Variants in CD82 observed in about 807,000 individuals in gnomAD.
CD82 encodes the protein CD82 molecule.
CD82 carries 36 observed loss-of-function variants against 37.4 expected under a neutral mutation model. That is an observed-to-expected ratio of 0.96 (90% CI 0.74 to 1.27). CD82 has a LOEUF of 1.27. Among genes scored for constraint, CD82 ranks in the 50% most tolerant of loss-of-function variants. CD82 has a pLI of 0.00. For missense variants in CD82, 340 were observed against 347.0 expected (o/e 0.98, Z 0.16); for synonymous variants, 158 against 137.4 (o/e 1.15, Z -1.05).
intron 4 of CD82, among the ~76,000 whole-genome samples, chr11:44,602,236 A>T (rs189620104): frequency 1.7e-3 from 259 of 152,050 alleles, no homozygotes; most frequent in Middle Eastern, 0.01. Flanking sequence ...TGAAGAGCAG[A>T]CTCTAGCCTG....
intron 2 of CD82, among the ~76,000 whole-genome samples, chr11:44,593,981 G>T (rs1853182931): frequency 1.0e-5 from 1 of 98,264 alleles, no homozygotes; most frequent in African/African-American, 4.2e-5. Context: ...ATTTTGATTA[G>T]AACCATTTGT....
At chr11:44,581,553 A>G (rs148233264) in intron 1 of CD82, among the ~76,000 whole-genome samples, 2 of 152,312 alleles carry the variant, frequency 1.3e-5, no homozygotes, top group Non-Finnish European at 2.9e-5. Flanking sequence ...ATAATTGCTC[A>G]TGTTCATGTC....
At chr11:44,570,239 C>T (rs1852795086) in intron 1 of CD82, among the ~76,000 whole-genome samples, 1 of 152,226 alleles carries the variant, frequency 6.6e-6, no homozygotes, top group Admixed American at 6.5e-5. Context: ...TCTCTGGCTG[C>T]CTTTCCCAAG....
At chr11:44,576,585 G>A (rs1852894738) in intron 1 of CD82, among the ~76,000 whole-genome samples, 1 of 152,172 alleles carries the variant, frequency 6.6e-6, no homozygotes, top group Non-Finnish European at 1.5e-5. Flanking sequence ...TGGGATTCAG[G>A]GTCTTGCAGT....
chr11:44,599,512 G>A (rs546570618), intron 3 of CD82, among the ~76,000 whole-genome samples: 94 of 152,372 alleles, frequency 6.2e-4, no homozygotes, highest in Non-Finnish European at 1.2e-3. Flanking sequence ...CAGCCACTTA[G>A]CACCCAGTGC....
At chr11:44,577,919 G>A (rs1852922390) in intron 1 of CD82, among the ~76,000 whole-genome samples, 1 of 152,160 alleles carries the variant, frequency 6.6e-6, no homozygotes. Context: ...AATGGGCCAA[G>A]GACTGGGCAC....
At chr11:44,617,333 C>A (rs1405078573) in intron 7 of CD82, among the ~76,000 whole-genome samples, 1 of 152,066 alleles carries the variant, frequency 6.6e-6, no homozygotes, top group Admixed American at 6.5e-5. Flanking sequence ...CCGAGGCGGG[C>A]GGATCACTTG....
At chr11:44,610,231 CAT>C (rs1304805044) in intron 6 of CD82, among the ~76,000 whole-genome samples, 1 of 152,216 alleles carries the variant, frequency 6.6e-6, no homozygotes, top group Non-Finnish European at 1.5e-5. Context: ...ATCTGGATGA[CAT>C]GTGTCCTTCG....
chr11:44,581,727 C>T (rs564366466), intron 1 of CD82, among the ~76,000 whole-genome samples: 1 of 152,292 alleles, frequency 6.6e-6, no homozygotes, highest in South Asian at 2.1e-4. Context: ...CTTGGGAGGC[C>T]CCTGGGAGGG....
At chr11:44,611,112 C>T (rs566874319) in intron 6 of CD82, among the ~76,000 whole-genome samples, 54 of 152,300 alleles carry the variant, frequency 3.5e-4, no homozygotes, top group African/African-American at 1.2e-3. Context: ...TGGGATTACA[C>T]GTGTGAGCCA....
chr11:44,565,494 C>A (rs1383734991), upstream of CD82: 1 of 149,716 alleles, frequency 6.7e-6, no homozygotes, highest in Non-Finnish European at 1.5e-5. Flanking sequence ...GGTTGGGGTA[C>A]GGCCATAGTG....
At chr11:44,600,907 T>C (rs781264485) in intron 4 of CD82, among the ~76,000 whole-genome samples, 10 of 152,182 alleles carry the variant, frequency 6.6e-5, no homozygotes, top group Non-Finnish European at 8.8e-5. Flanking sequence ...GGACTCGAAC[T>C]CCAAGAGCTT....
intron 1 of CD82, among the ~76,000 whole-genome samples, chr11:44,575,984 G>A (rs183140462): frequency 9.8e-5 from 15 of 152,350 alleles, no homozygotes; most frequent in Admixed American, 8.5e-4. Context: ...CGGAAGCAGA[G>A]ATGCCTTCCC....
At chr11:44,587,128 G>A (rs947768173) in intron 1 of CD82, 5 of 310,548 alleles carry the variant, frequency 1.6e-5, no homozygotes, top group Non-Finnish European at 3.2e-5. Context: ...AGGAGCTGGA[G>A]TTGAGGCCTT....
intron 2 of CD82, among the ~76,000 whole-genome samples, chr11:44,592,114 C>T (rs575711150): frequency 3.3e-5 from 5 of 152,280 alleles, no homozygotes; most frequent in South Asian, 4.1e-4. Context: ...ATACCGTGCC[C>T]GGCCTATACT....
chr11:44,576,557 C>G (rs957165843), intron 1 of CD82, among the ~76,000 whole-genome samples: 18 of 152,148 alleles, frequency 1.2e-4, no homozygotes, highest in Admixed American at 1.2e-3. Context: ...ACGGTCAGCC[C>G]AAGGGTCAAA....
At chr11:44,604,993 G>A (rs1853367287) in intron 4 of CD82, 65 bp from the exon 5 acceptor site, 1 of 1,611,778 alleles carries the variant, frequency 6.2e-7, no homozygotes, top group Non-Finnish European at 8.5e-7. Context: ...AAGAAGACCT[G>A]GACGGTTAGG....
chr11:44,618,805 G>C, intron 9 of CD82, 82 bp downstream of exon 9: 7 of 1,226,008 alleles, frequency 5.7e-6, no homozygotes, highest in South Asian at 1.3e-5. Context: ...TGGGGAGGTG[G>C]TGGCCAAGGG....
chr11:44,584,272 G>A (rs780916442), intron 1 of CD82, among the ~76,000 whole-genome samples: 3 of 152,198 alleles, frequency 2.0e-5, no homozygotes, highest in Admixed American at 6.5e-5. Flanking sequence ...AGCTGGGACT[G>A]AAGCCTAGGA....
Sources: gnomAD v4.1 joint callset for allele counts (sites outside exome capture counted in the v4.1 genomes callset) on GRCh38, gnomAD v4.1.1 for gene constraint, MANE v1.5 for transcripts, NCBI Gene and HGNC (gene_info 2026-07-23, HGNC 2026-07-21) for gene names.